ANKRD30A: variants seen among roughly 807,000 people sequenced by gnomAD.
ANKRD30A encodes the protein ankyrin repeat domain 30A.
A neutral mutation model predicts 166.3 loss-of-function variants in ANKRD30A; 170 were observed. The observed-to-expected ratio is 1.02, with a 90% CI of 0.90 to 1.16. The LOEUF (loss-of-function observed/expected upper bound fraction) is 1.16, where lower values mean the gene tolerates loss of function less well. Ranked by LOEUF, ANKRD30A falls within the 50% of genes most tolerant of loss-of-function variation. ANKRD30A has a pLI of 0.00. For synonymous variants in ANKRD30A, 564 were observed against 508.9 expected, an observed-to-expected ratio of 1.11 and a Z score of -1.46; for missense variants, 1,630 against 1,518.0, an observed-to-expected ratio of 1.07 and a Z score of -1.23.
At chr10:37,157,484 G>A (rs1364922906) in intron 13 of ANKRD30A, among the ~76,000 whole-genome samples, 2 of 152,164 alleles carry the variant, frequency 1.3e-5, no homozygotes, top group Non-Finnish European at 2.9e-5. Context: ...TGGTACCTCA[G>A]GCACCCAAGT....
intron 31 of ANKRD30A, among the ~76,000 whole-genome samples, chr10:37,205,178 A>G (rs1588921220): frequency 6.6e-6 from 1 of 152,194 alleles, no homozygotes; most frequent in Middle Eastern, 3.2e-3. Flanking sequence ...TCTTCACAAT[A>G]GCAAAGACTT....
At chr10:37,158,760 G>T (rs570721765) in intron 15 of ANKRD30A, among the ~76,000 whole-genome samples, 174 bp downstream of exon 15, 1 of 152,116 alleles carries the variant, frequency 6.6e-6, no homozygotes, top group Non-Finnish European at 1.5e-5. Context: ...ACAAGCATAA[G>T]ATTTAGAGAT....
chr10:37,248,738 A>T, the ANKRD30A span, among the ~76,000 whole-genome samples: 1 of 151,454 alleles, frequency 6.6e-6, no homozygotes, highest in African/African-American at 2.4e-5. Flanking sequence ...CAGCAAAGAG[A>T]CCACAAAAGA....
At chr10:37,214,026 T>G (rs565233713) in intron 31 of ANKRD30A, among the ~76,000 whole-genome samples, 4 of 151,670 alleles carry the variant, frequency 2.6e-5, no homozygotes, top group African/African-American at 4.8e-5. Context: ...TAGACCACAC[T>G]TGGGCATTTG....
intron 6 of ANKRD30A, 57 bp from the exon 7 acceptor site, chr10:37,141,661 A>G (rs1234760357): frequency 6.3e-7 from 1 of 1,592,516 alleles, no homozygotes; most frequent in East Asian, 2.2e-5. Flanking sequence ...CCAGGTGAAG[A>G]GTCAGGAGGA....
At chr10:37,172,596 C>G (rs1588861221) in intron 21 of ANKRD30A, among the ~76,000 whole-genome samples, 5 of 105,302 alleles carry the variant, frequency 4.7e-5, no homozygotes, top group Non-Finnish European at 9.4e-5. Context: ...GGTAACGGGA[C>G]AAACAAGAAA....
chr10:37,250,446 C>T, the ANKRD30A span, among the ~76,000 whole-genome samples: 1 of 152,038 alleles, frequency 6.6e-6, no homozygotes, highest in Non-Finnish European at 1.5e-5. Context: ...ACTTGACTCT[C>T]CTTTGCCAGA....
At chr10:37,249,136 T>C in the ANKRD30A span, among the ~76,000 whole-genome samples, 2 of 152,194 alleles carry the variant, frequency 1.3e-5, no homozygotes, top group Non-Finnish European at 2.9e-5. Context: ...TCTGAGGCCC[T>C]GGCTTCTGAG....
At chr10:37,226,329 G>A (rs1213642366) in intron 34 of ANKRD30A, among the ~76,000 whole-genome samples, 2 of 134,694 alleles carry the variant, frequency 1.5e-5, no homozygotes, top group Non-Finnish European at 3.0e-5. Context: ...TCATTGTTCA[G>A]TTCCCACCTA....
At position 37,141,737 on chromosome 10, in the gene ANKRD30A, A is replaced by G. The variant is rs1022247968; in HGVS notation, c.840A>G (p.Thr280=). 22 of 1,611,822 alleles carry G rather than the reference A, an allele frequency of 1.4e-5. No individual in the cohort carries two copies. The highest frequency in any genetic ancestry group is 1.7e-5 in the Non-Finnish European group (20 of 1,179,810). The change falls in exon 7 of 36, where the codon ACA becomes ACG. Residue 280 remains threonine (T), a synonymous_variant. Coordinates refer to ENST00000361713, the MANE Select transcript of ANKRD30A (RefSeq NM_052997.3). Reference sequence around the variant, plus strand: ...TGGCAGAAGGAACATCTGCAGGAACACCTGATGAGGCTGCACCCTTGGCGG... The same window carrying G: ...TGGCAGAAGGAACATCTGCAGGAACGCCTGATGAGGCTGCACCCTTGGCGG... ...NTNPEGTSAG[T]PDEAAPLAER...
chr10:37,244,272 T>A, the ANKRD30A span, among the ~76,000 whole-genome samples: 1 of 152,126 alleles, frequency 6.6e-6, no homozygotes, highest in Admixed American at 6.5e-5. Flanking sequence ...GTAAGCAACG[T>A]CATGTACATC....
intron 12 of ANKRD30A, 105 bp downstream of exon 12, chr10:37,152,226 G>C (rs17590141): frequency 3.2e-6 from 3 of 941,156 alleles, no homozygotes; most frequent in African/African-American, 3.4e-5. Context: ...ATGTCACCCC[G>C]AAATTATTTT....
intron 9 of ANKRD30A, among the ~76,000 whole-genome samples, chr10:37,148,241 G>A (rs527879299): frequency 6.6e-6 from 1 of 152,170 alleles, no homozygotes; most frequent in African/African-American, 2.4e-5. Context: ...AAATGTGGAA[G>A]AAGAGCAATT....
At chr10:37,150,233 G>A (rs980724898) in intron 11 of ANKRD30A, among the ~76,000 whole-genome samples, 4 of 151,984 alleles carry the variant, frequency 2.6e-5, no homozygotes, top group Non-Finnish European at 5.9e-5. Flanking sequence ...TAACACTTGT[G>A]TTTTAATATT....
intron 27 of ANKRD30A, 132 bp from the exon 28 acceptor site, chr10:37,197,149 A>C: frequency 1.5e-6 from 2 of 1,305,904 alleles, no homozygotes; most frequent in South Asian, 2.4e-5. Flanking sequence ...ACCAAAAGAA[A>C]ACTTTCCAAA....
Position 37,145,451 on chromosome 10 carries a change from G to A in ANKRD30A, c.1455+395G>A, listed in dbSNP as rs551840414. Among the ~76,000 whole-genome samples the A allele has an allele frequency of 2.0e-3, 308 of 152,102 alleles. 1 individual carries two copies. Among genetic ancestry groups the A allele is most frequent in the South Asian group, 3.7e-3 (18 of 4,810 alleles). ...GAGATCGTGCCATTGCACTCAGATC[G>A]GGCCATTGCACTCCAGTCTGGGTGA... On this transcript the variant is annotated intron_variant, in intron 8 of 35. Transcript: ENST00000361713.
At chr10:37,132,415 A>T in intron 4 of ANKRD30A, 69 bp downstream of exon 4, 1 of 847,074 alleles carries the variant, frequency 1.2e-6, no homozygotes, top group East Asian at 2.8e-5. Flanking sequence ...TCAAGTCAGA[A>T]ATATTTAATA....
At chr10:37,209,424 A>C (rs1842162787) in intron 31 of ANKRD30A, among the ~76,000 whole-genome samples, 1 of 152,086 alleles carries the variant, frequency 6.6e-6, no homozygotes, top group African/African-American at 2.4e-5. Flanking sequence ...AGCAGGAGCA[A>C]GAGAGAGAGG....
chr10:37,150,312 CTGTG>C (rs1837829549), intron 11 of ANKRD30A, among the ~76,000 whole-genome samples: 2 of 151,838 alleles, frequency 1.3e-5, no homozygotes, highest in Admixed American at 1.3e-4. Context: ...TTAGTGAACT[CTGTG>C]TGTTTGTGTG....
Sources: gnomAD v4.1 joint callset for allele counts (sites outside exome capture counted in the v4.1 genomes callset) on GRCh38, gnomAD v4.1.1 for gene constraint, MANE v1.5 for transcripts, NCBI Gene and HGNC (gene_info 2026-07-23, HGNC 2026-07-21) for gene names.